UBE3C: variants seen among roughly 807,000 people sequenced by gnomAD.
UBE3C encodes the protein ubiquitin protein ligase E3C, also known as ubiquitin-protein ligase E3C.
Under a neutral mutation model 129.4 loss-of-function variants are expected in UBE3C, and 42 were observed. The ratio of observed to expected loss-of-function variants is 0.32; its 90% CI spans 0.25 to 0.42. The LOEUF (loss-of-function observed/expected upper bound fraction) is 0.42. UBE3C is among the 10% of genes least tolerant of loss of function. The pLI is 1.00. For missense variants in UBE3C, 1,049 were observed against 1,319.1 expected (o/e 0.80, Z 3.17); for synonymous variants, 510 against 492.4 (o/e 1.04, Z -0.47).
intron 5 of UBE3C, 83 bp downstream of exon 5, chr7:157,175,117 G>T: frequency 1.4e-6 from 1 of 695,524 alleles, no homozygotes; most frequent in Non-Finnish European, 2.0e-6. Context: ...TTTATTTTCA[G>T]AGACAGTGGC....
chr7:157,143,070 T>C (rs1367592478), intron 1 of UBE3C, among the ~76,000 whole-genome samples: 3 of 152,070 alleles, frequency 2.0e-5, no homozygotes, highest in Non-Finnish European at 4.4e-5. Context: ...TTTCTCCATG[T>C]CGGTCGGGCG....
intron 10 of UBE3C, among the ~76,000 whole-genome samples, chr7:157,194,982 C>A (rs376868017): frequency 1.3e-5 from 2 of 152,108 alleles, no homozygotes; most frequent in African/African-American, 2.4e-5. Context: ...TTGGGAAATT[C>A]GTGGCCTATT....
intron 1 of UBE3C, among the ~76,000 whole-genome samples, chr7:157,143,348 A>G (rs1345795067): frequency 2.6e-5 from 4 of 152,168 alleles, no homozygotes; most frequent in South Asian, 4.1e-4. Context: ...AGTAGGCAAA[A>G]CAAAAAGAAA....
In UBE3C at chr7:157,201,377, T is replaced by G. The variant is rs558835794; in HGVS notation, c.1332-344T>G. 2.4e-4 allele frequency among the ~76,000 whole-genome samples: 37 copies of G among 151,990 alleles called. No individual in the cohort carries two copies. The East Asian group carries it at 7.2e-3, about 29-fold the overall frequency. On this transcript the variant is annotated intron_variant, in intron 10 of 22. Transcript: ENST00000348165. ...GTAATAACAATAGTAATTATAATAT[T>G]GTGATATATTAATACGATATGTAGC...
intron 17 of UBE3C, among the ~76,000 whole-genome samples, chr7:157,226,919 A>G (rs967921312): frequency 4.6e-5 from 7 of 151,956 alleles, no homozygotes; most frequent in African/African-American, 1.7e-4. Flanking sequence ...AGGTACTTTG[A>G]CTCCTAATCT....
At chr7:157,209,570 C>T (rs1809532362) in intron 13 of UBE3C, among the ~76,000 whole-genome samples, 1 of 152,102 alleles carries the variant, frequency 6.6e-6, no homozygotes, top group South Asian at 2.1e-4. Context: ...TTAACGGTAG[C>T]ATATTTGTTT....
At chr7:157,216,635 TATC>T (rs1371219325) in intron 13 of UBE3C, among the ~76,000 whole-genome samples, 1 of 152,192 alleles carries the variant, frequency 6.6e-6, no homozygotes, top group African/African-American at 2.4e-5. Flanking sequence ...ACTTAAAAAT[TATC>T]ATGTACATGT....
chr7:157,258,377 G>T (rs1161584934), intron 22 of UBE3C, among the ~76,000 whole-genome samples: 1 of 152,220 alleles, frequency 6.6e-6, no homozygotes, highest in Non-Finnish European at 1.5e-5. Context: ...CCTGGGCAAT[G>T]TAGTAGCGAG....
intron 22 of UBE3C, chr7:157,263,059 C>G (rs1165290561): frequency 6.6e-6 from 1 of 152,376 alleles, no homozygotes; most frequent in Non-Finnish European, 1.5e-5. Flanking sequence ...CCTCTTCTGT[C>G]CTCCCAGTTC....
intron 1 of UBE3C, 43 bp from the exon 2 acceptor site, chr7:157,163,767 T>C (rs542544781): frequency 6.3e-7 from 1 of 1,590,708 alleles, no homozygotes; most frequent in East Asian, 2.2e-5. Context: ...GTTTTAAAAT[T>C]GAAATTATAA....
intron 1 of UBE3C, among the ~76,000 whole-genome samples, chr7:157,159,445 C>G (rs1272558167): frequency 1.3e-5 from 2 of 152,070 alleles, no homozygotes; most frequent in Non-Finnish European, 2.9e-5. Flanking sequence ...GTGAATATTA[C>G]CAAGTAAAAG....
chr7:157,139,949 C>T (rs1408281432), intron 1 of UBE3C: 1 of 982,454 alleles, frequency 1.0e-6, no homozygotes, highest in East Asian at 1.1e-4. Flanking sequence ...TATTTGCCAC[C>T]AGCCTCCTGG....
At chr7:157,239,067 T>C (rs1476428805) in intron 18 of UBE3C, among the ~76,000 whole-genome samples, 1 of 152,202 alleles carries the variant, frequency 6.6e-6, no homozygotes. Context: ...ATGTCAGGAT[T>C]ATCTTCCTAA....
intron 1 of UBE3C, among the ~76,000 whole-genome samples, chr7:157,156,633 C>T (rs1477213856): frequency 6.6e-6 from 1 of 151,206 alleles, no homozygotes; most frequent in Admixed American, 6.6e-5. Flanking sequence ...CATTCACACT[C>T]TATTTTGGGA....
intron 18 of UBE3C, among the ~76,000 whole-genome samples, chr7:157,245,992 C>CAAAAAA (rs56270719): frequency 8.2e-5 from 7 of 85,568 alleles, no homozygotes; most frequent in African/African-American, 2.6e-4. Context: ...GACTCCGTCT[C>CAAAAAA]AAAAAAAAAA....
Position 157,163,804 on chromosome 7 carries a change from G to A in UBE3C, c.67-6G>A, listed in dbSNP as rs751996115. ...CTTACCTCCTTTTTTCTCTGTTTGG[G>A]TGTAGGAGGAAAAGGCTTCTCTTTT... On this transcript the variant is annotated splice_region_variant and splice_polypyrimidine_tract_variant and intron_variant, in intron 1 of 22. Transcript: ENST00000348165. 1.2e-6 allele frequency: 2 copies of A among 1,612,868 alleles called. No individual in the cohort carries two copies. The highest frequency in any genetic ancestry group is 1.7e-6 in the Non-Finnish European group (2 of 1,179,590).
chr7:157,175,088 A>T, intron 5 of UBE3C, 54 bp downstream of exon 5: 11 of 1,170,970 alleles, frequency 9.4e-6, no homozygotes, highest in Non-Finnish European at 1.3e-5. Context: ...CACCTTGTCT[A>T]GGGGAACACC....
intron 10 of UBE3C, among the ~76,000 whole-genome samples, chr7:157,196,446 T>C (rs1377418490): frequency 6.6e-6 from 1 of 152,198 alleles, no homozygotes; most frequent in Non-Finnish European, 1.5e-5. Context: ...TGGTAGTTCT[T>C]TAGATCTAGT....
chr7:157,229,634 A>C (rs1318201321), intron 17 of UBE3C, among the ~76,000 whole-genome samples: 4 of 144,092 alleles, frequency 2.8e-5, no homozygotes, highest in Non-Finnish European at 6.1e-5. Context: ...GGGGTTTTTA[A>C]ATTTTTATTT....
Sources: allele counts gnomAD v4.1 joint callset (sites outside exome capture counted in the v4.1 genomes callset), GRCh38; gene constraint gnomAD v4.1.1; transcripts MANE v1.5; gene names NCBI Gene and HGNC (gene_info 2026-07-23, HGNC 2026-07-21).